CACNB1: variants seen among roughly 807,000 people sequenced by gnomAD.
The protein encoded by CACNB1 is voltage-dependent L-type calcium channel subunit beta-1.
In CACNB1, 29 loss-of-function variants were observed where a neutral mutation model predicts 71.6. That is an observed-to-expected ratio of 0.40 (90% CI 0.30 to 0.55). CACNB1 has a LOEUF of 0.55. Ranked by LOEUF, CACNB1 falls within the 20% of genes least tolerant of loss-of-function variation. The pLI is 0.38. For synonymous variants in CACNB1, 300 were observed against 319.6 expected (o/e 0.94, Z 0.65); for missense variants, 623 against 801.8 (o/e 0.78, Z 2.69).
chr17:39,181,366 T>C (rs897106553), intron 11 of CACNB1, among the ~76,000 whole-genome samples: 9 of 152,194 alleles, frequency 5.9e-5, no homozygotes, highest in Non-Finnish European at 8.8e-5. Context: ...GGTGCTGAGA[T>C]TACAGGTGTG....
At chr17:39,182,707 A>G (rs2045806571) in intron 11 of CACNB1, among the ~76,000 whole-genome samples, 1 of 101,602 alleles carries the variant, frequency 9.8e-6, no homozygotes, top group Non-Finnish European at 1.8e-5. Context: ...TCTAAAATAA[A>G]TAAATAAATA....
rs778647134 is a variant in CACNB1 at position 39,186,199 on chromosome 17, G to A, written c.628+297C>T. The A allele has an allele frequency of 5.3e-5, 56 of 1,047,970 alleles. No individual in the cohort carries two copies. Among genetic ancestry groups the A allele is most frequent in the Non-Finnish European group, 7.1e-5 (49 of 692,954 alleles). 64.9% of individuals were successfully genotyped at this position (1,047,970 alleles called of 1,614,324 possible). ...GACACAAGTACAGAACGCAGGGATG[G>A]GGATGGGGAAAAAAGAAAGAAGAAG... On this transcript the variant is annotated intron_variant, in intron 6 of 13. Coordinates refer to ENST00000394303, the MANE Select transcript of CACNB1 (RefSeq NM_000723.5). This position sits in a 1 kb window ranked among gnomAD's most constrained non-coding sequence, Gnocchi z 4.1.
chr17:39,183,905 GC>G, intron 10 of CACNB1, 41 bp from the exon 11 acceptor site: 7 of 1,599,894 alleles, frequency 4.4e-6, no homozygotes, highest in Non-Finnish European at 6.0e-6. Flanking sequence ...ATGTCAGGTG[GC>G]CTCCCAGGAA....
intron 11 of CACNB1, among the ~76,000 whole-genome samples, chr17:39,181,726 G>C (rs1437466640): frequency 6.6e-6 from 1 of 152,160 alleles, no homozygotes; most frequent in African/African-American, 2.4e-5. Flanking sequence ...GACTCAGAAA[G>C]GTTAAGTAGG....
At chr17:39,190,173 G>C (rs1445991480) in intron 3 of CACNB1, among the ~76,000 whole-genome samples, 1 of 151,928 alleles carries the variant, frequency 6.6e-6, no homozygotes, top group African/African-American at 2.4e-5. Flanking sequence ...TGTAATCCTA[G>C]CACTTTGGGA....
Position 39,186,707 on chromosome 17 carries a change from C to T in CACNB1, c.551+86G>A. ...CACAGGCAGCTCTGTGCCCTCAGGGCCAGGGACAACCATTGAGGCCTAGTC... is the reference window on the plus strand; with the variant it reads ...CACAGGCAGCTCTGTGCCCTCAGGGTCAGGGACAACCATTGAGGCCTAGTC... On this transcript the variant is annotated intron_variant, in intron 5 of 13. Transcript: ENST00000394303. The surrounding 1 kb of genome is among the most constrained non-coding windows in gnomAD (Gnocchi z 4.1). 16 of 1,570,208 alleles carry T rather than the reference C, an allele frequency of 1.0e-5. 1 individual carries two copies. The South Asian group carries it at 1.8e-4, about 18-fold the overall frequency.
chr17:39,187,281 C>A, intron 4 of CACNB1, 198 bp downstream of exon 4: 1 of 667,352 alleles, frequency 1.5e-6, no homozygotes. Flanking sequence ...CAAACCCTCC[C>A]AACAACCTTC....
Position 39,175,614 on chromosome 17 carries a change from G to C in CACNB1, c.1376C>G (p.Thr459Ser). Residue 459 changes from threonine (T) to serine (S), a missense_variant, in exon 14 of 14, where the codon ACC becomes AGC. Coordinates refer to ENST00000394303, the MANE Select transcript of CACNB1 (RefSeq NM_000723.5). This position sits in a 1 kb window ranked among gnomAD's most constrained non-coding sequence, Gnocchi z 4.7. ...ASGDQPLERA[T>S]GEHASMHEYP... ...CTCGTGCATGCTGGCGTGCTCCCCG[G>C]TGGCCCGTTCCAGTGGCTGGTCCCC... is the stretch of plus-strand genomic sequence containing the variant. 1.3e-6 allele frequency: 2 copies of C among 1,589,616 alleles called. No individual in the cohort carries two copies. The highest frequency in any genetic ancestry group is 1.7e-6 in the Non-Finnish European group (2 of 1,166,140).
At position 39,173,741 on chromosome 17, in the gene CACNB1, C is replaced by T. The variant is rs1183246583; in HGVS notation, c.*1452G>A. On this transcript the variant is annotated 3_prime_UTR_variant, in exon 14 of 14. Transcript: ENST00000394303. ...ACTCCCCGTGCATATCAGCAGCTCC[C>T]AGGTGCCTACGCTGACGACTATGTG... is the stretch of plus-strand genomic sequence containing the variant. 6.6e-6 allele frequency: 1 copy of T among 152,538 alleles called. No homozygotes were observed. Among genetic ancestry groups the T allele is most frequent in the Non-Finnish European group, 1.5e-5 (1 of 68,124 alleles). The allele number at this position is 152,538 out of a possible 1,614,324, so 9.4% of individuals were successfully genotyped here.
At chr17:39,188,014 AAAC>A (rs375432123) in intron 3 of CACNB1, among the ~76,000 whole-genome samples, 37 of 151,992 alleles carry the variant, frequency 2.4e-4, no homozygotes, top group Admixed American at 6.6e-4. Context: ...CTCCATTTCA[AAAC>A]AACAACAACA....
chr17:39,188,833 A>C (rs942013376), intron 3 of CACNB1, among the ~76,000 whole-genome samples: 1 of 152,016 alleles, frequency 6.6e-6, no homozygotes, highest in Non-Finnish European at 1.5e-5. Flanking sequence ...ACTTGAGGTC[A>C]AAAGTTCGAG....
chr17:39,195,721 C>T (rs1331762938), intron 1 of CACNB1, among the ~76,000 whole-genome samples: 1 of 152,182 alleles, frequency 6.6e-6, no homozygotes, highest in Non-Finnish European at 1.5e-5. Context: ...ACAATCCTCC[C>T]CAAGGGGGCA....
chr17:39,195,978 T>G (rs996052688), intron 1 of CACNB1, among the ~76,000 whole-genome samples: 4 of 152,106 alleles, frequency 2.6e-5, no homozygotes, highest in Non-Finnish European at 4.4e-5. Context: ...CCAGTCCTCT[T>G]GTAAGAAGAG....
At chr17:39,177,147 T>A in intron 13 of CACNB1, 2 of 1,429,716 alleles carry the variant, frequency 1.4e-6, no homozygotes, top group Non-Finnish European at 1.8e-6. Context: ...GCCGCTCATC[T>A]TATTTTTTTA....
At chr17:39,185,857 G>T in intron 6 of CACNB1, 1 of 1,382,654 alleles carries the variant, frequency 7.2e-7, no homozygotes, top group Non-Finnish European at 9.9e-7. Context: ...AGAACAGGTT[G>T]GTACCACATC....
chr17:39,186,960 AG>A lies in CACNB1; in HGVS notation c.415-32del. 6.2e-7 allele frequency: 1 copy of A among 1,609,642 alleles called. No homozygotes were observed. Among genetic ancestry groups the A allele is most frequent in the East Asian group, 2.2e-5 (1 of 44,758 alleles). On this transcript the variant is annotated intron_variant, in intron 4 of 13. Transcript: ENST00000394303. The surrounding 1 kb of genome is among the most constrained non-coding windows in gnomAD (Gnocchi z 4.1). ...AAGAATATGGCAGGTGGGTGGAAAG[AG>A]CAAGAGGGAAACTGCAGGGGCAAGC... is the stretch of plus-strand genomic sequence containing the variant.
At position 39,197,509 on chromosome 17, in the gene CACNB1, C is replaced by T; in HGVS notation, c.-14G>A. The T allele has an allele frequency of 6.7e-7, 1 of 1,486,674 alleles. No individual in the cohort carries two copies. Among genetic ancestry groups the T allele is most frequent in the Non-Finnish European group, 8.9e-7 (1 of 1,120,364 alleles). 92.1% of individuals were successfully genotyped at this position (1,486,674 alleles called of 1,614,324 possible). ...CTTCTGGACCATGGAGAGGAGCCTC[C>T]CCTCCCGCCGCCGGCCCGGCCCAGC... On this transcript the variant is annotated 5_prime_UTR_variant, in exon 1 of 14. Coordinates refer to ENST00000394303, the MANE Select transcript of CACNB1 (RefSeq NM_000723.5).
intron 6 of CACNB1, chr17:39,185,976 C>T (rs1421169421): frequency 6.2e-7 from 1 of 1,613,278 alleles, no homozygotes; most frequent in Admixed American, 1.7e-5. Context: ...ATGCGTTTGC[C>T]ATGGGGTGGC....
intron 13 of CACNB1, chr17:39,177,062 G>C (rs1323296894): frequency 2.2e-6 from 3 of 1,337,292 alleles, no homozygotes; most frequent in Non-Finnish European, 2.9e-6. Context: ...CAGCAGATGC[G>C]CTCCTATGGC....
Sources: gnomAD v4.1 joint callset for allele counts (sites outside exome capture counted in the v4.1 genomes callset) on GRCh38, gnomAD v4.1.1 for gene constraint, Gnocchi (gnomAD v3.1) non-coding constraint, MANE v1.5 for transcripts, NCBI Gene and HGNC (gene_info 2026-07-23, HGNC 2026-07-21) for gene names.